TTN: variants seen among roughly 807,000 people sequenced by gnomAD.
TTN encodes the protein connectin.
A neutral mutation model predicts 3,223.0 loss-of-function variants in TTN; 1,525 were observed. That is an observed-to-expected ratio of 0.47 (90% CI 0.45 to 0.49). TTN has a LOEUF of 0.49. Among genes scored for constraint, TTN ranks in the 20% least tolerant of loss-of-function variants. The pLI, the probability that TTN is intolerant of heterozygous loss-of-function variation, is 0.00. For synonymous variants in TTN, 14,094 were observed against 15,161.0 expected (o/e 0.93, Z 5.17); for missense variants, 40,786 against 43,424.0 (o/e 0.94, Z 5.40).
intron 50 of TTN, 68 bp downstream of exon 50, chr2:178,735,443 C>T (rs901073040): frequency 5.7e-6 from 8 of 1,407,786 alleles, no homozygotes; most frequent in Non-Finnish European, 7.5e-6. Context: ...GAATTGTTTG[C>T]CAACAGTTTT....
At chr2:178,738,857 C>T (rs1446434296) in intron 48 of TTN, among the ~76,000 whole-genome samples, 1 of 152,018 alleles carries the variant, frequency 6.6e-6, no homozygotes, top group Non-Finnish European at 1.5e-5. Flanking sequence ...AAGTTATCTT[C>T]ATATGAAAAT....
chr2:178,799,172 GACAA>G (rs1347397593), intron 6 of TTN: 4 of 371,486 alleles, frequency 1.1e-5, no homozygotes, highest in Admixed American at 3.7e-5. Context: ...CCTAGGTGAG[GACAA>G]ACACTCCTGC....
intron 45 of TTN, among the ~76,000 whole-genome samples, chr2:178,757,231 T>TACTGTACTTGCTGTAAGTA (rs1252574568): frequency 1.3e-5 from 2 of 148,986 alleles, no homozygotes; most frequent in African/African-American, 2.5e-5. Flanking sequence ...TAAGTAATAA[T>TACTGTACTTGCTGTAAGTA]CAGCAAATAG....
In TTN at chr2:178,712,114, T is replaced by C. The variant is rs559945666; in HGVS notation, c.27716A>G (p.Tyr9239Cys). The C allele has an allele frequency of 1.2e-6, 2 of 1,613,692 alleles. No individual in the cohort carries two copies. The highest frequency in any genetic ancestry group is 1.7e-6 in the Non-Finnish European group (2 of 1,179,800). ...GGGTCTCAATTTTGTATCTCCTTTA[T>C]ACCAGGATACCCCAATTTCAGGGGT... ...AGTPEIGVSW[Y>C]KGDTKLRPTT... The change falls in exon 96 of 363, where the codon TAT becomes TGT. Residue 9239 changes from tyrosine to cysteine, a missense_variant. Physicochemically the swap from Tyr to Cys is radical, Grantham distance 194 (BLOSUM62 -2). Coordinates refer to ENST00000589042, the MANE Select transcript of TTN (RefSeq NM_001267550.2).
rs2094354362 is a variant in TTN at position 178,807,299 on chromosome 2, C to G, written c.-101G>C. ...TCCTATGGAGAGTTGGTTTTTCTGA[C>G]CATCTCCGACATGAATCGGTGAGCC... On this transcript the variant is annotated 5_prime_UTR_variant, in exon 1 of 363. Coordinates refer to ENST00000589042, the MANE Select transcript of TTN (RefSeq NM_001267550.2). The G allele has an allele frequency of 6.6e-6, 1 of 152,114 alleles. No individual in the cohort carries two copies. The highest frequency in any genetic ancestry group is 2.4e-5 in the African/African-American group (1 of 41,432). 9.4% of individuals were successfully genotyped at this position (152,114 alleles called of 1,614,324 possible).
intron 12 of TTN, 23 bp from the exon 13 acceptor site, chr2:178,789,520 G>T (rs1364995820): frequency 6.2e-7 from 1 of 1,612,508 alleles, no homozygotes; most frequent in African/African-American, 1.3e-5. Flanking sequence ...GTAAAATCAA[G>T]ATTTAAGTTG....
In TTN at chr2:178,551,645, C is replaced by T; in HGVS notation, c.91255G>A (p.Ala30419Thr). The change falls in exon 335 of 363, where the codon GCT (alanine) becomes ACT (threonine). Residue 30419 changes from alanine (A) to threonine (T), a missense_variant. Ala to Thr is a moderately conservative substitution (Grantham distance 58). Transcript: ENST00000589042. ...AATCACTTACCTACTGGAGAAACAGCTAAGGTAAATTTGCTTGGGTCACTA... is the reference window on the plus strand; with the variant it reads ...AATCACTTACCTACTGGAGAAACAGTTAAGGTAAATTTGCTTGGGTCACTA... ...SPSDPSKFTLAVSPVDPPGTP... is the reference protein window; with the variant it reads ...SPSDPSKFTLTVSPVDPPGTP... 2.5e-6 allele frequency: 4 copies of T among 1,585,266 alleles called. No homozygotes were observed. The highest frequency in any genetic ancestry group is 3.4e-6 in the Non-Finnish European group (4 of 1,165,082).
intron 11 of TTN, 50 bp downstream of exon 11, chr2:178,790,658 G>A: frequency 3.1e-6 from 5 of 1,613,288 alleles, no homozygotes; most frequent in Non-Finnish European, 4.2e-6. Context: ...TAGGTGATTT[G>A]CAAATGAAAT....
Position 178,723,062 on chromosome 2 carries a change from A to G in TTN, c.21945T>C (p.Ala7315=). 1 of 1,613,568 alleles carries G rather than the reference A, an allele frequency of 6.2e-7. No homozygotes were observed. Among genetic ancestry groups the G allele is most frequent in the Non-Finnish European group, 8.5e-7 (1 of 1,179,632 alleles). Residue 7315 remains alanine, a synonymous_variant, in exon 75 of 363, where the codon GCT becomes GCC. Transcript: ENST00000589042. ...ENEAGRDVCG[A]LVSTLEPPYF... ...ACAACACACCTAATGTAGATACCAG[A>G]GCTCCACAAACATCCCTTCCTGCCT...
chr2:178,718,445 T>C lies in TTN; in HGVS notation c.24661A>G (p.Met8221Val). 3 of 1,613,798 alleles carry C rather than the reference T, an allele frequency of 1.9e-6. No individual in the cohort carries two copies. The highest frequency in any genetic ancestry group is 2.5e-6 in the Non-Finnish European group (3 of 1,179,752). ...TCCAGTATGGTAGATTTTTCTGTCATAGTAATACTGCATCTCTCAGATTGT... is the reference window on the plus strand; with the variant it reads ...TCCAGTATGGTAGATTTTTCTGTCACAGTAATACTGCATCTCTCAGATTGT... Reference protein sequence around the residue: ...ISQSERCSITMTEKSTILEIL... With the variant: ...ISQSERCSITVTEKSTILEIL... Residue 8221 changes from methionine to valine, a missense_variant, in exon 85 of 363, where the codon ATG (methionine) becomes GTG (valine). Coordinates refer to ENST00000589042, the MANE Select transcript of TTN (RefSeq NM_001267550.2).
rs891050085 is a variant in TTN, at chr2:178,720,130, C to T, written c.23512G>A (p.Glu7838Lys). The T allele has an allele frequency of 1.9e-6, 3 of 1,613,656 alleles. No homozygotes were observed. The highest frequency in any genetic ancestry group is 1.7e-6 in the Non-Finnish European group (2 of 1,179,722). The stretch of plus-strand genomic sequence containing the variant: ...AATGAAATCCTGGTATTTTCACTCT[C>T]TCTGATGACTTCACCTCTATCTTTC... Reference protein sequence around the residue: ...WLKDRGEVIRESENTRISFID... With the variant: ...WLKDRGEVIRKSENTRISFID... The change falls in exon 81 of 363, where the codon GAG (glutamate) becomes AAG (lysine). Residue 7838 changes from glutamate (E) to lysine (K), a missense_variant. By Grantham distance (56) the Glu-to-Lys change is moderately conservative. Transcript: ENST00000589042.
chr2:178,673,413 TAAG>T (rs951462017), intron 152 of TTN, among the ~76,000 whole-genome samples: 12 of 151,794 alleles, frequency 7.9e-5, no homozygotes, highest in African/African-American at 2.9e-4. Context: ...AATTCTCAGT[TAAG>T]AAGCTTCTAG....
In TTN at chr2:178,527,447, T is replaced by A. The variant is rs767635492; in HGVS notation, c.107679A>T (p.Arg35893Ser). 1 of 1,612,656 alleles carries A rather than the reference T, an allele frequency of 6.2e-7. No individual in the cohort carries two copies. The highest frequency in any genetic ancestry group is 8.5e-7 in the Non-Finnish European group (1 of 1,178,838). Residue 35893 changes from arginine to serine, a missense_variant and splice_region_variant, in exon 362 of 363, where the codon AGA becomes AGT. Transcript: ENST00000589042. ...TCTACCAGTAATTTTATTGCTCACC[T>A]CTTATGCCTGCTTTAAGCATTTTAC... ...STSKMLKAGI[R>S]GIPPKIEALP...
intron 157 of TTN, among the ~76,000 whole-genome samples, chr2:178,669,889 T>C (rs556580421): frequency 6.6e-6 from 1 of 152,170 alleles, no homozygotes; most frequent in East Asian, 1.9e-4. Context: ...TTGGAGATAG[T>C]ATCATTTTCT....
Position 178,777,531 on chromosome 2 carries a change from T to C in TTN, c.4534A>G (p.Thr1512Ala). The C allele has an allele frequency of 6.2e-7, 1 of 1,613,956 alleles. No homozygotes were observed. Residue 1512 changes from threonine (T) to alanine (A), a missense_variant, in exon 26 of 363, where the codon ACT (threonine) becomes GCT (alanine). Transcript: ENST00000589042. Reference sequence around the variant, plus strand: ...GCAGGGACAATAATTAGTGATTGAGTACCATCTTCTTTAATGACTACTTTA... The same window carrying C: ...GCAGGGACAATAATTAGTGATTGAGCACCATCTTCTTTAATGACTACTTTA... ...THKVVIKEDGTQSLIIVPATP... is the reference protein window; with the variant it reads ...THKVVIKEDGAQSLIIVPATP...
chr2:178,756,335 A>G lies in TTN; in HGVS notation c.11141T>C (p.Ile3714Thr). The change falls in exon 46 of 363, where the codon ATT becomes ACT. Residue 3714 changes from isoleucine to threonine, a missense_variant. Physicochemically the swap from Ile to Thr is moderately conservative, Grantham distance 89. Transcript: ENST00000589042. ...ERLKQSQNGN[I>T]QFLTICNVQL... is the part of the protein sequence containing the mutation. ...AACATTACATATGGTAAGAAACTGAATATTTCCATTTTGTGATTGTTTCAG... is the reference window on the plus strand; with the variant it reads ...AACATTACATATGGTAAGAAACTGAGTATTTCCATTTTGTGATTGTTTCAG... The G allele has an allele frequency of 6.2e-7, 1 of 1,613,888 alleles. No individual in the cohort carries two copies. The highest frequency in any genetic ancestry group is 1.1e-5 in the South Asian group (1 of 91,072).
chr2:178,563,564 G>T lies in TTN; in HGVS notation c.82568C>A (p.Thr27523Lys). The stretch of plus-strand genomic sequence containing the variant: ...TACCCTGAGCCGCAGATCCGTTAAT[G>T]TTTTCTTGTTGCACTTGGTCCATCT... ...GVRWTKCNKK[T>K]LTDLRLRVTG... is the part of the protein sequence containing the mutation. The change falls in exon 326 of 363, where the codon ACA becomes AAA. Residue 27523 changes from threonine (T) to lysine (K), a missense_variant. Thr to Lys is a moderately conservative substitution (Grantham distance 78, BLOSUM62 -1). Coordinates refer to ENST00000589042, the MANE Select transcript of TTN (RefSeq NM_001267550.2). This position sits in a 1 kb window ranked among gnomAD's most constrained non-coding sequence, Gnocchi z 4.5. The T allele has an allele frequency of 6.2e-7, 1 of 1,613,794 alleles. No individual in the cohort carries two copies.
chr2:178,557,322 C>T lies in TTN; in HGVS notation c.87940G>A (p.Ala29314Thr), dbSNP rs923029692. 3.7e-6 allele frequency: 6 copies of T among 1,613,842 alleles called. No individual in the cohort carries two copies. Among genetic ancestry groups the T allele is most frequent in the African/African-American group, 2.7e-5 (2 of 74,934 alleles). The change falls in exon 329 of 363, where the codon GCA becomes ACA. Residue 29314 changes from alanine to threonine, a missense_variant. By Grantham distance (58) the Ala-to-Thr change is moderately conservative. Coordinates refer to ENST00000589042, the MANE Select transcript of TTN (RefSeq NM_001267550.2). Reference protein sequence around the residue: ...AGLIYEFRVYAENAAGVGKPS... With the variant: ...AGLIYEFRVYTENAAGVGKPS... ...TTTCCAACTCCAGCAGCATTTTCTG[C>T]ATACACCCTGAATTCATAAATAAGT...
rs1312213401 is a variant in TTN, at chr2:178,633,262, G to A, written c.43011C>T (p.His14337=). Reference sequence around the variant, plus strand: ...CAGGTTCAGAAAGTTCAATTTCAAAGTGGGCTGTTTCACCAACAAACACCT... The same window carrying A: ...CAGGTTCAGAAAGTTCAATTTCAAAATGGGCTGTTTCACCAACAAACACCT... ...GVEVFVGETA[H]FEIELSEPDV... The change falls in exon 233 of 363, where the codon CAC becomes CAT. Residue 14337 remains histidine (H), a synonymous_variant. Coordinates refer to ENST00000589042, the MANE Select transcript of TTN (RefSeq NM_001267550.2). 2 of 1,613,234 alleles carry A rather than the reference G, an allele frequency of 1.2e-6. No homozygotes were observed. The highest frequency in any genetic ancestry group is 2.2e-5 in the East Asian group (1 of 44,798).
Sources: allele counts gnomAD v4.1 joint callset (sites outside exome capture counted in the v4.1 genomes callset), GRCh38; gene constraint gnomAD v4.1.1; non-coding constraint Gnocchi (gnomAD v3.1); transcripts MANE v1.5; gene names NCBI Gene and HGNC (gene_info 2026-07-23, HGNC 2026-07-21).